AGPS: variants seen among roughly 807,000 people sequenced by gnomAD.
AGPS encodes the protein alkylglycerone phosphate synthase.
AGPS carries 26 observed loss-of-function variants against 90.7 expected under a neutral mutation model. The observed-to-expected ratio is 0.29, with a 90% CI of 0.21 to 0.40. AGPS has a LOEUF of 0.40. Ranked by LOEUF, AGPS falls within the 10% of genes least tolerant of loss-of-function variation. AGPS has a pLI of 1.00. For missense variants in AGPS, 540 were observed against 816.1 expected (o/e 0.66, Z 4.12); for synonymous variants, 294 against 285.3 (o/e 1.03, Z -0.31).
chr2:177,425,623 A>AG, intron 2 of AGPS, among the ~76,000 whole-genome samples: 1 of 4,904 alleles, frequency 2.0e-4, no homozygotes, highest in East Asian at 0.05. Context: ...CTCTGCCTAG[A>AG]AAAAAAAAAA....
intron 2 of AGPS, among the ~76,000 whole-genome samples, chr2:177,421,291 T>A (rs1685932460): frequency 1.3e-5 from 2 of 152,048 alleles, no homozygotes; most frequent in African/African-American, 2.4e-5. Flanking sequence ...TATTCCAGTA[T>A]TGTACCCTGA....
chr2:177,497,661 A>G, intron 12 of AGPS, 28 bp from the exon 13 acceptor site: 1 of 1,345,650 alleles, frequency 7.4e-7, no homozygotes, highest in Non-Finnish European at 1.0e-6. Flanking sequence ...AGACTAACCT[A>G]TTAATATAAA....
intron 14 of AGPS, among the ~76,000 whole-genome samples, chr2:177,500,866 A>C (rs1297147632): frequency 1.3e-5 from 2 of 152,188 alleles, no homozygotes; most frequent in Non-Finnish European, 2.9e-5. Flanking sequence ...TGTAATGACC[A>C]GATGGCTTGA....
chr2:177,433,807 G>T (rs1048042819), intron 2 of AGPS, among the ~76,000 whole-genome samples: 31 of 152,134 alleles, frequency 2.0e-4, no homozygotes, highest in African/African-American at 7.2e-4. Flanking sequence ...CTGCCTAGAA[G>T]ATTCCAGTAT....
At chr2:177,425,438 T>C (rs1208598761) in intron 2 of AGPS, among the ~76,000 whole-genome samples, 1 of 151,770 alleles carries the variant, frequency 6.6e-6, no homozygotes, top group Non-Finnish European at 1.5e-5. Flanking sequence ...CTGACCAACA[T>C]GGAGAAACCC....
At chr2:177,403,643 G>T (rs1685389298) in intron 1 of AGPS, among the ~76,000 whole-genome samples, 1 of 152,132 alleles carries the variant, frequency 6.6e-6, no homozygotes, top group African/African-American at 2.4e-5. Context: ...TCAAAATGAA[G>T]ACTAACATTA....
intron 1 of AGPS, among the ~76,000 whole-genome samples, chr2:177,404,541 A>G (rs1363227970): frequency 6.6e-6 from 1 of 152,132 alleles, no homozygotes; most frequent in Non-Finnish European, 1.5e-5. Flanking sequence ...TTAGTGTACC[A>G]TCCACCTAGA....
intron 12 of AGPS, among the ~76,000 whole-genome samples, chr2:177,494,683 C>T (rs1166707018): frequency 2.0e-5 from 3 of 152,152 alleles, no homozygotes; most frequent in Non-Finnish European, 4.4e-5. Flanking sequence ...TACTTACTTG[C>T]TCCCCTCTAG....
chr2:177,540,884 C>G lies in AGPS; in HGVS notation c.*2689C>G, dbSNP rs1244684980. ...CAGGCTTTATAGACCCTTAGAGAAA[C>G]TGTTGCCTTAATGTTTGGTGCAATT... On this transcript the variant is annotated 3_prime_UTR_variant, in exon 20 of 20. Transcript: ENST00000264167. The G allele has an allele frequency of 6.6e-6, 1 of 152,022 alleles. No individual in the cohort carries two copies. Among genetic ancestry groups the G allele is most frequent in the Non-Finnish European group, 1.5e-5 (1 of 67,972 alleles). 9.4% of individuals were successfully genotyped at this position (152,022 alleles called of 1,614,324 possible).
At chr2:177,453,173 T>A (rs1245292572) in intron 8 of AGPS, among the ~76,000 whole-genome samples, 3 of 152,082 alleles carry the variant, frequency 2.0e-5, no homozygotes, top group African/African-American at 7.2e-5. Flanking sequence ...AAGATGTTGC[T>A]CCACTGTTAC....
chr2:177,508,044 A>G lies in AGPS; in HGVS notation c.1607+13A>G, dbSNP rs574091221. 1.9e-6 allele frequency: 3 copies of G among 1,582,932 alleles called. No individual in the cohort carries two copies. The highest frequency in any genetic ancestry group is 4.5e-5 in the East Asian group (2 of 44,666). ...CTCCTTGGGACAGGTAAAATATACT[A>G]AAGTGCCTGATATTATTCAAATATG... On this transcript the variant is annotated intron_variant, in intron 16 of 19. Transcript: ENST00000264167.
chr2:177,537,021 A>G (rs2079190400), intron 19 of AGPS, among the ~76,000 whole-genome samples: 1 of 152,206 alleles, frequency 6.6e-6, no homozygotes, highest in Admixed American at 6.6e-5. Context: ...ACTGTTGATG[A>G]CTTTGGATCA....
intron 14 of AGPS, 152 bp downstream of exon 14, chr2:177,499,882 G>T: frequency 5.1e-6 from 3 of 587,578 alleles, no homozygotes; most frequent in Non-Finnish European, 8.9e-6. Flanking sequence ...TTAAATTTGT[G>T]GTAATTTATG....
At chr2:177,431,291 TCAAAGGGCAATAAAGATCACAAGG>T in intron 2 of AGPS, among the ~76,000 whole-genome samples, 1 of 152,148 alleles carries the variant, frequency 6.6e-6, no homozygotes, top group South Asian at 2.1e-4. Context: ...ATCACATGCT[TCAAAGGGCAATAAAGATCACAAGG>T]CAAAGGGCAA....
intron 10 of AGPS, among the ~76,000 whole-genome samples, chr2:177,480,102 C>T (rs1164104428): frequency 6.6e-6 from 1 of 152,112 alleles, no homozygotes; most frequent in East Asian, 1.9e-4. Context: ...TTTACTTGAA[C>T]CCAGGAGGCA....
chr2:177,423,638 A>G (rs950280119), intron 2 of AGPS, among the ~76,000 whole-genome samples: 7 of 152,196 alleles, frequency 4.6e-5, no homozygotes, highest in Admixed American at 1.3e-4. Flanking sequence ...GTAGATTTTT[A>G]TACGGAAATG....
chr2:177,393,375 G>A (rs1685080605), intron 1 of AGPS: 2 of 985,230 alleles, frequency 2.0e-6, no homozygotes, highest in Admixed American at 6.2e-5. Context: ...TAATACTTTT[G>A]GTGCTGAGGT....
At chr2:177,488,696 A>G (rs903674360) in intron 11 of AGPS, among the ~76,000 whole-genome samples, 1 of 152,208 alleles carries the variant, frequency 6.6e-6, no homozygotes, top group Non-Finnish European at 1.5e-5. Context: ...CTTCTGATAC[A>G]ACATGAGATT....
intron 19 of AGPS, among the ~76,000 whole-genome samples, chr2:177,537,851 T>C (rs1016808002): frequency 7.2e-5 from 11 of 152,122 alleles, no homozygotes; most frequent in African/African-American, 2.7e-4. Context: ...TTTCATAGTT[T>C]ACAGAGAAAG....
Sources: gnomAD v4.1 joint callset for allele counts (sites outside exome capture counted in the v4.1 genomes callset) on GRCh38, gnomAD v4.1.1 for gene constraint, MANE v1.5 for transcripts, NCBI Gene and HGNC (gene_info 2026-07-23, HGNC 2026-07-21) for gene names.